Variants in HIPK3 observed in about 807,000 individuals in gnomAD.
HIPK3 encodes homeodomain-interacting protein kinase 3.
In HIPK3, 47 loss-of-function variants were observed where a neutral mutation model predicts 124.2. The observed-to-expected ratio is 0.38, with a 90% CI of 0.30 to 0.48. The LOEUF (loss-of-function observed/expected upper bound fraction) is 0.48, where lower values mean the gene tolerates loss of function less well. Ranked by LOEUF, HIPK3 falls within the 20% of genes least tolerant of loss-of-function variation. The pLI is 0.98. For missense variants in HIPK3, 1,286 were observed against 1,454.3 expected (o/e 0.88, Z 1.88); for synonymous variants, 482 against 515.2 (o/e 0.94, Z 0.87).
At chr11:33,277,270 CT>C (rs1274116442) in intron 1 of HIPK3, among the ~76,000 whole-genome samples, 1 of 151,972 alleles carries the variant, frequency 6.6e-6, no homozygotes, top group East Asian at 1.9e-4. Context: ...ATAGTTTTGT[CT>C]TCTGTTAACT....
chr11:33,339,302 C>A, intron 5 of HIPK3, 48 bp from the exon 6 acceptor site: 1 of 1,449,256 alleles, frequency 6.9e-7, no homozygotes, highest in South Asian at 1.2e-5. Flanking sequence ...TTATACTACT[C>A]TCTGTGACTT....
In HIPK3 at chr11:33,279,631, C is replaced by T. The variant is rs184707335; in HGVS notation, c.-2-6782C>T. On this transcript the variant is annotated intron_variant, in intron 1 of 16. Coordinates refer to ENST00000303296, the MANE Select transcript of HIPK3 (RefSeq NM_005734.5). Reference sequence around the variant, plus strand: ...TGTGAACAGTTTGGATAGAGTAGTTCAGATGCGACTTAAAGTTTGTTAGAG... The same window carrying T: ...TGTGAACAGTTTGGATAGAGTAGTTTAGATGCGACTTAAAGTTTGTTAGAG... Among the ~76,000 whole-genome samples the T allele has an allele frequency of 7.2e-5, 11 of 152,240 alleles. 1 individual carries two copies. Among genetic ancestry groups the T allele is most frequent in the Admixed American group, 6.5e-4 (10 of 15,296 alleles).
intron 7 of HIPK3, 43 bp from the exon 8 acceptor site, chr11:33,341,520 T>C: frequency 6.5e-7 from 1 of 1,526,916 alleles, no homozygotes; most frequent in Non-Finnish European, 8.8e-7. Flanking sequence ...GCGTGTATAT[T>C]TCATTTAGAA....
intron 2 of HIPK3, among the ~76,000 whole-genome samples, chr11:33,320,628 G>T (rs984972639): frequency 6.6e-6 from 1 of 152,194 alleles, no homozygotes; most frequent in Non-Finnish European, 1.5e-5. Context: ...GTTACATTCT[G>T]TTAATAGATA....
Position 33,257,421 on chromosome 11 carries a change from A to C in HIPK3, c.-471A>C. On this transcript the variant is annotated 5_prime_UTR_variant, in exon 1 of 17. Transcript: ENST00000303296. ...AGTGACGACTGCCGGCATCGCGGCGACCTGAGGAGATCAAGCCGCAGGCCC... is the reference window on the plus strand; with the variant it reads ...AGTGACGACTGCCGGCATCGCGGCGCCCTGAGGAGATCAAGCCGCAGGCCC... 1 of 984,826 alleles carries C rather than the reference A, an allele frequency of 1.0e-6. No homozygotes were observed. Among genetic ancestry groups the C allele is most frequent in the South Asian group, 4.7e-5 (1 of 21,278 alleles). 61.0% of individuals were successfully genotyped at this position (984,826 alleles called of 1,614,324 possible).
chr11:33,330,487 C>A (rs958371129), intron 3 of HIPK3, among the ~76,000 whole-genome samples: 1 of 152,154 alleles, frequency 6.6e-6, no homozygotes, highest in Non-Finnish European at 1.5e-5. Context: ...CACCACCATG[C>A]CCGGCCAATT....
At chr11:33,324,281 T>A (rs1187223930) in intron 2 of HIPK3, among the ~76,000 whole-genome samples, 1 of 152,208 alleles carries the variant, frequency 6.6e-6, no homozygotes, top group Non-Finnish European at 1.5e-5. Flanking sequence ...CTGGTAGAAC[T>A]GTCATGTCTC....
At chr11:33,279,257 G>A (rs1291096371) in intron 1 of HIPK3, among the ~76,000 whole-genome samples, 2 of 145,408 alleles carry the variant, frequency 1.4e-5, no homozygotes, top group Non-Finnish European at 3.0e-5. Flanking sequence ...GGAGGTTGCA[G>A]TGAGCTGTGA....
chr11:33,292,814 C>T (rs575892933), intron 2 of HIPK3, among the ~76,000 whole-genome samples: 21 of 152,316 alleles, frequency 1.4e-4, no homozygotes, highest in African/African-American at 5.1e-4. Context: ...CTGCTTACTG[C>T]AAGCTCCGCG....
Position 33,356,913 on chromosome 11 carries a change from T to C in HIPK3, c.*3345T>C, listed in dbSNP as rs1853832607. On this transcript the variant is annotated 3_prime_UTR_variant, in exon 17 of 17. Coordinates refer to ENST00000303296, the MANE Select transcript of HIPK3 (RefSeq NM_005734.5). ...AAATGTGACCAAGCCTTCTGTACTT[T>C]GTCACAAAAAGCGGGTTTTCCAGGT... 6.6e-6 allele frequency: 1 copy of C among 152,150 alleles called. No individual in the cohort carries two copies. Among genetic ancestry groups the C allele is most frequent in the Non-Finnish European group, 1.5e-5 (1 of 67,968 alleles). 9.4% of individuals were successfully genotyped at this position (152,150 alleles called of 1,614,324 possible).
chr11:33,290,126 T>C (rs567274492), intron 2 of HIPK3, among the ~76,000 whole-genome samples: 28 of 152,324 alleles, frequency 1.8e-4, no homozygotes, highest in African/African-American at 6.5e-4. Context: ...GGATTGTAGA[T>C]ATCTCTTTGA....
At chr11:33,285,934 G>C (rs1458613686) in intron 1 of HIPK3, among the ~76,000 whole-genome samples, 2 of 151,982 alleles carry the variant, frequency 1.3e-5, no homozygotes, top group Non-Finnish European at 2.9e-5. Flanking sequence ...ACCATCCCCA[G>C]CTAATTTTTG....
Position 33,286,716 on chromosome 11 carries a change from A to G in HIPK3, c.302A>G (p.Gln101Arg). 1.2e-6 allele frequency: 2 copies of G among 1,614,110 alleles called. No individual in the cohort carries two copies. Among genetic ancestry groups the G allele is most frequent in the Non-Finnish European group, 1.7e-6 (2 of 1,180,014 alleles). ...AAGGTCATAGCAGCTCAGGCACAGCAAGCTCACGTGCAGGCACCTCAGATT... is the reference window on the plus strand; with the variant it reads ...AAGGTCATAGCAGCTCAGGCACAGCGAGCTCACGTGCAGGCACCTCAGATT... ...ATKVIAAQAQ[Q>R]AHVQAPQIGA... The change falls in exon 2 of 17, where the codon CAA (glutamine) becomes CGA (arginine). Residue 101 changes from glutamine (Q) to arginine (R), a missense_variant. By Grantham distance (43) the Gln-to-Arg change is conservative. Transcript: ENST00000303296.
intron 1 of HIPK3, among the ~76,000 whole-genome samples, chr11:33,259,782 C>T (rs267449): frequency 0.86 from 122,171 of 141,808 alleles, 52,755 homozygotes; most frequent in African/African-American, 0.96. Flanking sequence ...GTTCCTTAAT[C>T]CCCCCCTCTG....
chr11:33,313,846 A>T (rs1206392557), intron 2 of HIPK3, among the ~76,000 whole-genome samples: 1 of 151,940 alleles, frequency 6.6e-6, no homozygotes, highest in South Asian at 2.1e-4. Flanking sequence ...TTTTATTTTT[A>T]TTTATTTATT....
At chr11:33,298,513 G>A (rs1328396507) in intron 2 of HIPK3, among the ~76,000 whole-genome samples, 1 of 152,182 alleles carries the variant, frequency 6.6e-6, no homozygotes, top group African/African-American at 2.4e-5. Context: ...GTTTGGTAAG[G>A]CCATAGCTGC....
At chr11:33,282,730 T>C (rs1169996676) in intron 1 of HIPK3, among the ~76,000 whole-genome samples, 1 of 152,030 alleles carries the variant, frequency 6.6e-6, no homozygotes, top group Non-Finnish European at 1.5e-5. Context: ...TCTGAGTCTA[T>C]GGGTATGGGT....
intron 2 of HIPK3, among the ~76,000 whole-genome samples, chr11:33,297,283 G>A (rs1205294093): frequency 6.6e-6 from 1 of 151,930 alleles, no homozygotes; most frequent in Non-Finnish European, 1.5e-5. Context: ...TAGTAGAGAC[G>A]GGGCTTCGCC....
At chr11:33,337,768 G>A (rs868511948) in intron 4 of HIPK3, among the ~76,000 whole-genome samples, 2 of 151,878 alleles carry the variant, frequency 1.3e-5, no homozygotes, top group African/African-American at 2.4e-5. Context: ...CCACCTCCCA[G>A]GTTCAAGCGA....
Sources: gnomAD v4.1 joint callset for allele counts (sites outside exome capture counted in the v4.1 genomes callset) on GRCh38, gnomAD v4.1.1 for gene constraint, MANE v1.5 for transcripts, NCBI Gene and HGNC (gene_info 2026-07-23, HGNC 2026-07-21) for gene names.